Variants in CHCHD4 observed in about 807,000 individuals in gnomAD.
The protein encoded by CHCHD4 is mitochondrial intermembrane space import and assembly protein 40.
In CHCHD4, 7 loss-of-function variants were observed where a neutral mutation model predicts 12.4. The observed-to-expected ratio is 0.57, with a 90% CI of 0.32 to 1.06. The LOEUF (loss-of-function observed/expected upper bound fraction) is 1.06, where lower values mean the gene tolerates loss of function less well. Among genes scored for constraint, CHCHD4 ranks in the 50% least tolerant of loss-of-function variants. The probability of loss-of-function intolerance (pLI) is 0.04; values close to 1 mark genes in which losing one functional copy is unlikely to be tolerated. For synonymous variants in CHCHD4, 56 were observed against 58.0 expected, an observed-to-expected ratio of 0.97 and a Z score of 0.16; for missense variants, 143 against 175.1, an observed-to-expected ratio of 0.82 and a Z score of 1.03.
intron 1 of CHCHD4, among the ~76,000 whole-genome samples, chr3:14,117,317 T>C (rs919369665): frequency 1.3e-5 from 2 of 152,184 alleles, no homozygotes; most frequent in Non-Finnish European, 2.9e-5. Flanking sequence ...CATTTTATAT[T>C]AGGAGCTTCT....
intron 1 of CHCHD4, among the ~76,000 whole-genome samples, chr3:14,117,674 A>G (rs973987381): frequency 2.6e-5 from 4 of 152,172 alleles, no homozygotes; most frequent in Non-Finnish European, 5.9e-5. Flanking sequence ...GTCCCCAGAG[A>G]ACAGACAGAG....
rs190260277 is a variant in CHCHD4, at chr3:14,116,585, C to A, written c.23-61G>T. The A allele has an allele frequency of 5.3e-4, 664 of 1,258,944 alleles. 1 individual carries two copies. The African/African-American group carries it at 8.4e-3, about 16-fold the overall frequency. 78.0% of individuals were successfully genotyped at this position (1,258,944 alleles called of 1,614,324 possible). A position where few individuals can be genotyped will look rare whatever the true frequency, so the allele number is the denominator to read the frequency against. On this transcript the variant is annotated intron_variant, in intron 1 of 2. Transcript: ENST00000396914. ...TCAAGAGCAGTGAATCAGCTTTAAA[C>A]CCAAAGCAGCCGCCACACAAACCAA...
Position 14,112,706 on chromosome 3 carries a change from AT to A in CHCHD4, c.*180del. ...TAGGACACACATACATACAACCCCC[AT>A]TTTTTTCAGTGTATATGTCAAGATG... On this transcript the variant is annotated 3_prime_UTR_variant, in exon 3 of 3. Transcript: ENST00000396914. 1 of 583,206 alleles carries A rather than the reference AT, an allele frequency of 1.7e-6. No individual in the cohort carries two copies. The highest frequency in any genetic ancestry group is 2.9e-6 in the Non-Finnish European group (1 of 341,984). 36.1% of individuals were successfully genotyped at this position (583,206 alleles called of 1,614,324 possible).
In CHCHD4 at chr3:14,112,972, T is replaced by C; in HGVS notation, c.344A>G (p.Glu115Gly). Residue 115 changes from glutamate (E) to glycine (G), a missense_variant, in exon 3 of 3, where the codon GAA becomes GGA. Transcript: ENST00000396914. ...YPQEDEDEEE[E>G]REKKPAEQAE... is the part of the protein sequence containing the mutation. ...TTGTTCTGCTGGCTTCTTCTCTCTT[T>C]CCTCTTCCTCATCCTCATCCTCTTG... The C allele has an allele frequency of 6.2e-7, 1 of 1,613,384 alleles. No individual in the cohort carries two copies. The highest frequency in any genetic ancestry group is 8.5e-7 in the Non-Finnish European group (1 of 1,179,660).
At chr3:14,122,526 T>C (rs376173171) in intron 1 of CHCHD4, among the ~76,000 whole-genome samples, 12 of 152,354 alleles carry the variant, frequency 7.9e-5, no homozygotes, top group Non-Finnish European at 1.3e-4. Context: ...TGAGAGCCCT[T>C]GAATGCCAAA....
At position 14,122,999 on chromosome 3, in the gene CHCHD4, T is replaced by C. The variant is rs139845296; in HGVS notation, c.22+1656A>G. ...CTCTGATACAGTAAGCAGTTTGGGATCATTTTTTAAAAATCCTATGGGAAG... is the reference window on the plus strand; with the variant it reads ...CTCTGATACAGTAAGCAGTTTGGGACCATTTTTTAAAAATCCTATGGGAAG... On this transcript the variant is annotated intron_variant, in intron 1 of 2. Coordinates refer to ENST00000396914, the MANE Select transcript of CHCHD4 (RefSeq NM_001098502.2). 2.5e-3 allele frequency among the ~76,000 whole-genome samples: 372 copies of C among 149,846 alleles called. 1 individual carries two copies. Among genetic ancestry groups the C allele is most frequent in the Non-Finnish European group, 4.3e-3 (290 of 67,608 alleles).
In CHCHD4 at chr3:14,123,030, AG is replaced by A. The variant is rs534367906; in HGVS notation, c.22+1624del. Among the ~76,000 whole-genome samples the A allele has an allele frequency of 7.6e-5, 10 of 132,266 alleles. No homozygotes were observed. The South Asian group carries it at 2.3e-3, about 30-fold the overall frequency. 86.8% of individuals were successfully genotyped at this position (132,266 alleles called of 152,430 possible). On this transcript the variant is annotated intron_variant, in intron 1 of 2. Transcript: ENST00000396914. ...TTTAAAAATCCTATGGGAAGCATAA[AG>A]GATCAGTGGGGGGCGGAGGGGGGGA...
intron 2 of CHCHD4, among the ~76,000 whole-genome samples, chr3:14,114,083 G>A (rs1694850330): frequency 6.6e-6 from 1 of 152,270 alleles, no homozygotes; most frequent in Non-Finnish European, 1.5e-5. Context: ...AAAAGGTCCT[G>A]TGAAATTACA....
At chr3:14,122,907 G>A (rs75448824) in intron 1 of CHCHD4, among the ~76,000 whole-genome samples, 8,355 of 152,258 alleles carry the variant, frequency 0.055, 716 homozygotes, top group African/African-American at 0.19. Flanking sequence ...CAAGAGGCTA[G>A]AGGCTGGGCA....
intron 1 of CHCHD4, among the ~76,000 whole-genome samples, chr3:14,123,932 C>T (rs910674093): frequency 6.6e-6 from 1 of 152,184 alleles, no homozygotes; most frequent in Non-Finnish European, 1.5e-5. Flanking sequence ...GCAGGGTTCT[C>T]CCTGCAATCC....
intron 1 of CHCHD4, among the ~76,000 whole-genome samples, chr3:14,118,602 C>T (rs1694900291): frequency 6.6e-6 from 1 of 152,222 alleles, no homozygotes; most frequent in Admixed American, 6.5e-5. Context: ...GGGGCCAGGA[C>T]CCCCAACCCA....
chr3:14,124,184 G>A (rs998459070), intron 1 of CHCHD4, among the ~76,000 whole-genome samples: 4 of 152,216 alleles, frequency 2.6e-5, no homozygotes, highest in Admixed American at 1.3e-4. Context: ...AAACATTCCC[G>A]TTAGTGGAAC....
intron 1 of CHCHD4, among the ~76,000 whole-genome samples, chr3:14,118,043 A>AAACAAGATC (rs753427828): frequency 2.0e-5 from 3 of 152,260 alleles, no homozygotes; most frequent in Admixed American, 6.5e-5. Flanking sequence ...CCAAGTAAAC[A>AAACAAGATC]AACAAGATCT....
At chr3:14,122,198 C>T (rs1304081584) in intron 1 of CHCHD4, 3 of 1,411,588 alleles carry the variant, frequency 2.1e-6, no homozygotes, top group Non-Finnish European at 2.8e-6. Context: ...CTCAGGAAGC[C>T]TTCTCAGACC....
At chr3:14,113,325 T>A (rs1052515702) in intron 2 of CHCHD4, 131 bp from the exon 3 acceptor site, 1 of 724,894 alleles carries the variant, frequency 1.4e-6, no homozygotes, top group African/African-American at 1.8e-5. Flanking sequence ...TCGATTTGGA[T>A]TAGGTTTAAA....
chr3:14,119,638 G>GT (rs1694912109), intron 1 of CHCHD4, among the ~76,000 whole-genome samples: 1 of 152,202 alleles, frequency 6.6e-6, no homozygotes, highest in African/African-American at 2.4e-5. Flanking sequence ...AAGTGCTTGT[G>GT]TTTTTATTTC....
intron 2 of CHCHD4, among the ~76,000 whole-genome samples, chr3:14,115,953 C>G (rs546150479): frequency 6.6e-6 from 1 of 152,212 alleles, no homozygotes; most frequent in South Asian, 2.1e-4. Flanking sequence ...AGCAACAGCT[C>G]TGACTAGGTT....
At chr3:14,122,182 T>C in intron 1 of CHCHD4, 1 of 1,460,304 alleles carries the variant, frequency 6.8e-7, no homozygotes, top group Non-Finnish European at 9.0e-7. Context: ...AAAGGATGTC[T>C]GAAGCCTCAG....
chr3:14,122,158 G>A (rs1694942640), intron 1 of CHCHD4: 1 of 1,489,412 alleles, frequency 6.7e-7, no homozygotes, highest in East Asian at 2.5e-5. Context: ...GTTTTCTTAA[G>A]AAAGTGGCAT....
Sources: gnomAD v4.1 joint callset for allele counts (sites outside exome capture counted in the v4.1 genomes callset) on GRCh38, gnomAD v4.1.1 for gene constraint, MANE v1.5 for transcripts, NCBI Gene and HGNC (gene_info 2026-07-23, HGNC 2026-07-21) for gene names.